Variants in PEX5L observed in about 807,000 individuals in gnomAD.
PEX5L encodes peroxisomal biogenesis factor 5 like, also known as PEX5-related protein.
In PEX5L, 30 loss-of-function variants were observed where a neutral mutation model predicts 84.0. The ratio of observed to expected loss-of-function variants is 0.36; its 90% CI spans 0.27 to 0.48. The LOEUF (loss-of-function observed/expected upper bound fraction) is 0.48, where lower values mean the gene tolerates loss of function less well. Ranked by LOEUF, PEX5L falls within the 20% of genes least tolerant of loss-of-function variation. The pLI is 0.99. For synonymous variants in PEX5L, 270 were observed against 283.1 expected (o/e 0.95, Z 0.46); for missense variants, 533 against 754.6 (o/e 0.71, Z 3.44).
chr3:179,828,109 C>T (rs1349948296), intron 8 of PEX5L, among the ~76,000 whole-genome samples: 1 of 152,108 alleles, frequency 6.6e-6, no homozygotes, highest in African/African-American at 2.4e-5. Context: ...ACCAGAATCC[C>T]CCCAACCCCT....
At chr3:179,856,620 T>C (rs1013532654) in intron 8 of PEX5L, among the ~76,000 whole-genome samples, 2 of 152,208 alleles carry the variant, frequency 1.3e-5, no homozygotes, top group African/African-American at 2.4e-5. Context: ...GAAGTAAATA[T>C]GTGTGAAGTT....
chr3:179,888,204 T>C (rs1238374792), intron 3 of PEX5L: 1 of 1,281,072 alleles, frequency 7.8e-7, no homozygotes, highest in Middle Eastern at 2.1e-4. Context: ...TCAGTCAGTG[T>C]TTATGTGGGG....
intron 1 of PEX5L, among the ~76,000 whole-genome samples, chr3:180,023,801 G>GACCCCCTTC: frequency 1.3e-5 from 2 of 148,304 alleles, no homozygotes; most frequent in African/African-American, 5.3e-5. Context: ...GAGAGAGGGA[G>GACCCCCTTC]AGACTAGCTG....
chr3:179,995,126 T>C (rs1298959764), intron 1 of PEX5L, among the ~76,000 whole-genome samples: 3 of 147,998 alleles, frequency 2.0e-5, no homozygotes, highest in South Asian at 2.1e-4. Context: ...ACTATATATA[T>C]ACACTATATA....
intron 2 of PEX5L, among the ~76,000 whole-genome samples, chr3:179,961,975 G>A (rs1328173095): frequency 1.9e-5 from 1 of 53,508 alleles, no homozygotes; most frequent in Non-Finnish European, 4.2e-5. Flanking sequence ...AACCATCTGT[G>A]TCAACAGGGA....
At chr3:179,807,883 G>C (rs1314650585) in intron 13 of PEX5L, 52 bp from the exon 14 acceptor site, 3 of 1,504,550 alleles carry the variant, frequency 2.0e-6, no homozygotes, top group Non-Finnish European at 2.7e-6. Flanking sequence ...CACAATGACA[G>C]AGCATTCCTG....
chr3:179,971,889 T>C (rs958634159), intron 1 of PEX5L, among the ~76,000 whole-genome samples: 1 of 152,192 alleles, frequency 6.6e-6, no homozygotes, highest in Admixed American at 6.5e-5. Context: ...ACCCAACTTA[T>C]ACCTTTAATC....
At chr3:180,026,238 G>A (rs1390997308) in intron 1 of PEX5L, among the ~76,000 whole-genome samples, 2 of 147,040 alleles carry the variant, frequency 1.4e-5, no homozygotes, top group Non-Finnish European at 3.0e-5. Context: ...AAATGACCAA[G>A]TTGTGCTATG....
intron 9 of PEX5L, among the ~76,000 whole-genome samples, chr3:179,819,543 A>G (rs1364281249): frequency 6.6e-6 from 1 of 152,186 alleles, no homozygotes; most frequent in African/African-American, 2.4e-5. Flanking sequence ...ACATTAGACC[A>G]ATTCTTGTTC....
intron 2 of PEX5L, among the ~76,000 whole-genome samples, chr3:179,924,764 T>C (rs1022123301): frequency 6.6e-6 from 1 of 152,208 alleles, no homozygotes; most frequent in Admixed American, 6.5e-5. Flanking sequence ...TGCCTCCTTA[T>C]ACCTTAAGTG....
intron 1 of PEX5L, among the ~76,000 whole-genome samples, chr3:179,976,626 C>T (rs989020827): frequency 2.0e-5 from 3 of 151,948 alleles, no homozygotes; most frequent in Non-Finnish European, 4.4e-5. Flanking sequence ...TTAGTAGAGA[C>T]GGGGTTTTGC....
Position 179,842,757 on chromosome 3 carries a change from G to A in PEX5L, c.822+16305C>T, listed in dbSNP as rs139291425. ...CAACAAAATTAGAGGATGAAAATAC[G>A]TTGTCCTCAAGAACTTCACAGGACA... On this transcript the variant is annotated intron_variant, in intron 8 of 14. Transcript: ENST00000467460. Among the ~76,000 whole-genome samples the A allele has an allele frequency of 4.8e-3, 728 of 152,184 alleles. 4 individuals are homozygous for A. In the Middle Eastern group the frequency reaches 0.051, roughly 11 times the overall value.
At chr3:179,907,373 C>T (rs558083723) in intron 2 of PEX5L, among the ~76,000 whole-genome samples, 16 of 152,192 alleles carry the variant, frequency 1.1e-4, no homozygotes, top group South Asian at 6.2e-4. Context: ...AGTTCAGTGG[C>T]GCAATCATAG....
At chr3:179,964,742 C>A (rs560237204) in intron 2 of PEX5L, among the ~76,000 whole-genome samples, 1 of 152,302 alleles carries the variant, frequency 6.6e-6, no homozygotes, top group Admixed American at 6.5e-5. Flanking sequence ...ACCCAAACCA[C>A]AATGAGATAA....
intron 2 of PEX5L, among the ~76,000 whole-genome samples, chr3:179,962,994 T>C (rs1782450730): frequency 6.6e-6 from 1 of 152,232 alleles, no homozygotes; most frequent in South Asian, 2.1e-4. Flanking sequence ...CTAGTATTTT[T>C]CTTTTATGCT....
chr3:180,026,777 T>C (rs1579403057), intron 1 of PEX5L, among the ~76,000 whole-genome samples: 3 of 152,180 alleles, frequency 2.0e-5, no homozygotes, highest in Admixed American at 2.0e-4. Flanking sequence ...CAGGCTGGAC[T>C]CTAGTCAATC....
intron 2 of PEX5L, among the ~76,000 whole-genome samples, chr3:179,926,949 C>T (rs1000336085): frequency 2.6e-5 from 4 of 152,182 alleles, no homozygotes; most frequent in African/African-American, 4.8e-5. Flanking sequence ...ATGGTGTGGA[C>T]TTAGGCAGAT....
intron 4 of PEX5L, chr3:179,880,859 A>G (rs763749036): frequency 1.9e-4 from 29 of 152,270 alleles, no homozygotes; most frequent in Non-Finnish European, 3.2e-4. Flanking sequence ...AGCAAGTTTT[A>G]TAACCTTAGC....
At chr3:179,960,802 T>A (rs914887820) in intron 2 of PEX5L, among the ~76,000 whole-genome samples, 1 of 152,178 alleles carries the variant, frequency 6.6e-6, no homozygotes, top group African/African-American at 2.4e-5. Flanking sequence ...CATAGCTCAT[T>A]TTTTTCAGGG....
Sources: allele counts gnomAD v4.1 joint callset (sites outside exome capture counted in the v4.1 genomes callset), GRCh38; gene constraint gnomAD v4.1.1; transcripts MANE v1.5; gene names NCBI Gene and HGNC (gene_info 2026-07-23, HGNC 2026-07-21).